EBF3: variants seen among roughly 807,000 people sequenced by gnomAD.
The protein encoded by EBF3 is EBF transcription factor 3, also known as transcription factor COE3.
In EBF3, 18 loss-of-function variants were observed where a neutral mutation model predicts 77.1. The observed-to-expected ratio is 0.23, with a 90% confidence interval of 0.16 to 0.35. The LOEUF is 0.35. Ranked by LOEUF, EBF3 falls within the 10% of genes least tolerant of loss-of-function variation. The probability of loss-of-function intolerance (pLI) is 1.00; values close to 1 mark genes in which losing one functional copy is unlikely to be tolerated. For synonymous variants in EBF3, 350 were observed against 343.5 expected (o/e 1.02, Z -0.21); for missense variants, 558 against 860.0 (o/e 0.65, Z 4.39).
chr10:129,927,972 C>T (rs990990765), intron 6 of EBF3, among the ~76,000 whole-genome samples: 2 of 152,178 alleles, frequency 1.3e-5, no homozygotes, highest in African/African-American at 2.4e-5. Context: ...ATTCCCAGCC[C>T]AGGACTGGTG....
chr10:129,940,247 C>A (rs1393166114), intron 6 of EBF3, among the ~76,000 whole-genome samples: 2 of 152,118 alleles, frequency 1.3e-5, no homozygotes, highest in Non-Finnish European at 2.9e-5. Context: ...ACCTTGCAGG[C>A]CCTACCCTCT....
intron 6 of EBF3, among the ~76,000 whole-genome samples, chr10:129,915,748 G>A (rs1052620356): frequency 3.9e-5 from 6 of 152,118 alleles, no homozygotes; most frequent in Non-Finnish European, 8.8e-5. Context: ...GCCTGAACAC[G>A]CCCGATGCCG....
chr10:129,849,847 A>G (rs924176636), intron 10 of EBF3, among the ~76,000 whole-genome samples: 18 of 152,244 alleles, frequency 1.2e-4, no homozygotes, highest in African/African-American at 4.3e-4. Context: ...AGCTCTTCAA[A>G]ATGCCTCGGC....
chr10:129,892,266 G>A (rs546669220), intron 6 of EBF3, among the ~76,000 whole-genome samples: 1 of 152,368 alleles, frequency 6.6e-6, no homozygotes, highest in South Asian at 2.1e-4. Context: ...GTGCCCCCAA[G>A]GAAACAGGAG....
chr10:129,903,728 G>C (rs1854947016), intron 6 of EBF3, among the ~76,000 whole-genome samples: 1 of 152,142 alleles, frequency 6.6e-6, no homozygotes, highest in South Asian at 2.1e-4. Context: ...GCTCCCAAAG[G>C]TGCTCTGAGA....
Position 129,837,879 on chromosome 10 carries a change from T to C in EBF3, c.*64A>G. On this transcript the variant is annotated 3_prime_UTR_variant, in exon 17 of 17. Transcript: ENST00000440978. ...GTCTTAATATACTAAACGTGTCCCCTGAAGTCCGTCCTTTGATGCTGGGTG... is the reference window on the plus strand; with the variant it reads ...GTCTTAATATACTAAACGTGTCCCCCGAAGTCCGTCCTTTGATGCTGGGTG... 6.2e-7 allele frequency: 1 copy of C among 1,613,192 alleles called. No individual in the cohort carries two copies. The highest frequency in any genetic ancestry group is 8.5e-7 in the Non-Finnish European group (1 of 1,179,204).
intron 6 of EBF3, among the ~76,000 whole-genome samples, chr10:129,939,982 T>C (rs1486995729): frequency 6.6e-6 from 1 of 152,238 alleles, no homozygotes; most frequent in Non-Finnish European, 1.5e-5. Flanking sequence ...GTACCATTCC[T>C]GGCAGCTTCC....
rs185971594 is a variant in EBF3 at position 129,867,283 on chromosome 10, G to A, written c.913-16C>T. The A allele has an allele frequency of 5.6e-5, 90 of 1,613,652 alleles. No individual in the cohort carries two copies. The Admixed American group carries it at 9.9e-4, about 18-fold the overall frequency. ...GAGTTATCAGCTACAAAAACCACACGGTGAACAGGCGCTCAGCGGCGCTGG... is the reference window on the plus strand; with the variant it reads ...GAGTTATCAGCTACAAAAACCACACAGTGAACAGGCGCTCAGCGGCGCTGG... On this transcript the variant is annotated splice_polypyrimidine_tract_variant and intron_variant, in intron 9 of 16. Transcript: ENST00000440978.
chr10:129,929,041 C>A (rs151006079), intron 6 of EBF3, among the ~76,000 whole-genome samples: 137 of 152,198 alleles, frequency 9.0e-4, no homozygotes, highest in Non-Finnish European at 1.7e-3. Context: ...CAAGGAGACC[C>A]TCGGGCTGTG....
intron 6 of EBF3, among the ~76,000 whole-genome samples, chr10:129,925,689 T>A (rs879220053): frequency 6.6e-6 from 1 of 151,152 alleles, no homozygotes; most frequent in African/African-American, 2.4e-5. Flanking sequence ...TACTTGAAAA[T>A]GGTTACAATG....
chr10:129,871,626 C>T (rs4751141), intron 8 of EBF3, among the ~76,000 whole-genome samples: 66,434 of 151,946 alleles, frequency 0.44, 15,857 homozygotes, highest in Non-Finnish European at 0.52. Context: ...GACAAATATG[C>T]GCAGACTTAA....
intron 6 of EBF3, among the ~76,000 whole-genome samples, chr10:129,946,599 T>C (rs1858243823): frequency 6.6e-6 from 1 of 152,232 alleles, no homozygotes; most frequent in Non-Finnish European, 1.5e-5. Context: ...AAGACAAGTT[T>C]ATTTTTGTTT....
intron 6 of EBF3, among the ~76,000 whole-genome samples, chr10:129,883,188 T>G (rs11816456): frequency 0.035 from 5,365 of 152,264 alleles, 336 homozygotes; most frequent in African/African-American, 0.12. Flanking sequence ...CGTGAGTCAC[T>G]GTACACTGGA....
At chr10:129,855,706 G>C (rs1851205891) in intron 10 of EBF3, among the ~76,000 whole-genome samples, 1 of 152,154 alleles carries the variant, frequency 6.6e-6, no homozygotes, top group South Asian at 2.1e-4. Context: ...CCCAGTAAAA[G>C]CCACCCTCAA....
intron 6 of EBF3, among the ~76,000 whole-genome samples, chr10:129,954,398 G>T (rs764638920): frequency 6.6e-6 from 1 of 151,196 alleles, no homozygotes; most frequent in Non-Finnish European, 1.5e-5. Context: ...TTTGTAATGG[G>T]AAACAGCCTC....
chr10:129,880,291 C>T (rs902303408), intron 6 of EBF3, among the ~76,000 whole-genome samples: 1 of 152,112 alleles, frequency 6.6e-6, no homozygotes, highest in Non-Finnish European at 1.5e-5. Flanking sequence ...TGCACACATA[C>T]ACACATGCCA....
chr10:129,960,328 C>A (rs1859408468), intron 4 of EBF3, among the ~76,000 whole-genome samples: 1 of 152,174 alleles, frequency 6.6e-6, no homozygotes, highest in Admixed American at 6.5e-5. Context: ...TGGTGAAAGC[C>A]CGGGGCTGCC....
At chr10:129,931,197 T>C (rs1425704413) in intron 6 of EBF3, among the ~76,000 whole-genome samples, 1 of 152,218 alleles carries the variant, frequency 6.6e-6, no homozygotes, top group Non-Finnish European at 1.5e-5. Context: ...CTAATACCTA[T>C]GGGTTTGTGG....
Position 129,944,645 on chromosome 10 carries a change from G to A in EBF3, c.554+12613C>T, listed in dbSNP as rs55659056. ...AGCTGGAGCGCCCCTCACACCACAC[G>A]GTGAATCCTTGCTGCAACTGAGCCT... On this transcript the variant is annotated intron_variant, in intron 6 of 16. Coordinates refer to ENST00000440978, the MANE Select transcript of EBF3 (RefSeq NM_001375380.1). The surrounding 1 kb of genome is among the most constrained non-coding windows in gnomAD (Gnocchi z 5.1). 4.5e-3 allele frequency among the ~76,000 whole-genome samples: 683 copies of A among 152,198 alleles called. 6 individuals carry two copies. The highest frequency in any genetic ancestry group is 0.016 in the African/African-American group (651 of 41,538).
Sources: allele counts gnomAD v4.1 joint callset (sites outside exome capture counted in the v4.1 genomes callset), GRCh38; gene constraint gnomAD v4.1.1; non-coding constraint Gnocchi (gnomAD v3.1); transcripts MANE v1.5; gene names NCBI Gene and HGNC (gene_info 2026-07-23, HGNC 2026-07-21).